The following GREB1L variants were observed in gnomAD, a reference collection of about 807,000 sequenced individuals.
The protein encoded by GREB1L is GREB1 like retinoic acid receptor coactivator.
In GREB1L, 17 loss-of-function variants were observed where a neutral mutation model predicts 200.8. The ratio of observed to expected loss-of-function variants is 0.08; its 90% CI spans 0.06 to 0.13. The LOEUF (loss-of-function observed/expected upper bound fraction) is 0.13. Among genes scored for constraint, GREB1L ranks in the 10% least tolerant of loss-of-function variants. The pLI, the probability that GREB1L is intolerant of heterozygous loss-of-function variation, is 1.00. For synonymous variants in GREB1L, 789 were observed against 893.0 expected (o/e 0.88, Z 2.08); for missense variants, 1,657 against 2,367.7 (o/e 0.70, Z 6.23).
At chr18:21,439,699 A>G in intron 8 of GREB1L, 62 bp downstream of exon 8, 1 of 1,035,860 alleles carries the variant, frequency 9.7e-7, no homozygotes. Context: ...AGTGCTCCAG[A>G]TTTTGTAATG....
chr18:21,343,514 CAA>C (rs1476185211), intron 1 of GREB1L, among the ~76,000 whole-genome samples: 4 of 152,074 alleles, frequency 2.6e-5, no homozygotes, highest in Non-Finnish European at 5.9e-5. Context: ...GATTATACAA[CAA>C]GAGAGGGCAT....
chr18:21,282,769 T>A (rs1290528537), intron 1 of GREB1L, among the ~76,000 whole-genome samples: 1 of 152,096 alleles, frequency 6.6e-6, no homozygotes, highest in Non-Finnish European at 1.5e-5. Flanking sequence ...GCAGCTAATT[T>A]TTGTATTTTT....
At position 21,452,129 on chromosome 18, in the gene GREB1L, A is replaced by G. The variant is rs1474947152; in HGVS notation, c.1896A>G (p.Gly632=). 55 of 1,551,972 alleles carry G rather than the reference A, an allele frequency of 3.5e-5. No homozygotes were observed. Among genetic ancestry groups the G allele is most frequent in the Non-Finnish European group, 4.6e-5 (53 of 1,146,998 alleles). ...KLLEKMQQRR[G]DSVVTPFDGD... is the part of the protein sequence containing the mutation. ...TGGAAAAAATGCAACAAAGAAGAGG[A>G]GACAGTGTGGTTACCCCTTTCGATG... The change falls in exon 14 of 33, where the codon GGA becomes GGG. Residue 632 remains glycine, a synonymous_variant. Transcript: ENST00000424526.
At chr18:21,295,652 AAAC>A (rs2038515453) in intron 1 of GREB1L, among the ~76,000 whole-genome samples, 1 of 152,192 alleles carries the variant, frequency 6.6e-6, no homozygotes, top group South Asian at 2.1e-4. Flanking sequence ...GGAGTATAAT[AAAC>A]AACACCTGCT....
intron 1 of GREB1L, among the ~76,000 whole-genome samples, chr18:21,354,030 C>G (rs2143382163): frequency 6.6e-6 from 1 of 152,228 alleles, no homozygotes; most frequent in South Asian, 2.1e-4. Context: ...CTCAAGTGAT[C>G]CACCCACCTC....
At chr18:21,494,114 CT>C (rs2036452526) in intron 19 of GREB1L, among the ~76,000 whole-genome samples, 1 of 152,146 alleles carries the variant, frequency 6.6e-6, no homozygotes, top group Middle Eastern at 3.4e-3. Flanking sequence ...ATGGTTCCCC[CT>C]GACATGAAAT....
intron 1 of GREB1L, among the ~76,000 whole-genome samples, chr18:21,358,940 C>G (rs1179197497): frequency 6.6e-6 from 1 of 152,192 alleles, no homozygotes; most frequent in Non-Finnish European, 1.5e-5. Context: ...TTTATTAGTT[C>G]TAACAATTGT....
intron 7 of GREB1L, among the ~76,000 whole-genome samples, chr18:21,411,072 A>C (rs2030943265): frequency 6.6e-6 from 1 of 152,248 alleles, no homozygotes; most frequent in Non-Finnish European, 1.5e-5. Flanking sequence ...AGAATATCCA[A>C]GTTGGCAATA....
intron 1 of GREB1L, among the ~76,000 whole-genome samples, chr18:21,361,088 G>T (rs573875716): frequency 2.6e-5 from 4 of 152,206 alleles, no homozygotes; most frequent in Admixed American, 2.6e-4. Context: ...ATTTGTTAAG[G>T]TATTTTACAA....
In GREB1L at chr18:21,419,100, G is replaced by A. The variant is rs11661765; in HGVS notation, c.832+15106G>A. On this transcript the variant is annotated intron_variant, in intron 7 of 32. Coordinates refer to ENST00000424526, the MANE Select transcript of GREB1L (RefSeq NM_001142966.3). ...GTAATTATTCAAAACTATTCATGCC[G>A]TATAGTTTTGCTGTAGCTTTGGGGC... 1.9e-3 allele frequency among the ~76,000 whole-genome samples: 287 copies of A among 152,220 alleles called. 1 individual carries two copies. Among genetic ancestry groups the A allele is most frequent in the Non-Finnish European group, 3.2e-3 (217 of 68,024 alleles).
At chr18:21,467,225 A>G (rs890999442) in intron 15 of GREB1L, among the ~76,000 whole-genome samples, 6 of 152,226 alleles carry the variant, frequency 3.9e-5, no homozygotes, top group Non-Finnish European at 8.8e-5. Context: ...CAAAAGCATA[A>G]ACTTTTATAC....
chr18:21,501,116 G>T (rs1343801632), intron 23 of GREB1L, among the ~76,000 whole-genome samples: 1 of 151,400 alleles, frequency 6.6e-6, no homozygotes, highest in Non-Finnish European at 1.5e-5. Flanking sequence ...AAAAGAATGT[G>T]CCCGGCAAAT....
At position 21,482,758 on chromosome 18, in the gene GREB1L, C is replaced by G. The variant is rs187124439; in HGVS notation, c.2557-2862C>G. Among the ~76,000 whole-genome samples the G allele has an allele frequency of 2.1e-3, 306 of 146,344 alleles. 2 individuals carry two copies. The highest frequency in any genetic ancestry group is 7.2e-3 in the African/African-American group (284 of 39,670). On this transcript the variant is annotated intron_variant, in intron 17 of 32. Transcript: ENST00000424526. ...AGAGGGTAGTGAGACCAAGGGCCAA[C>G]AAGTCATCACCAACGCCCGCAGCGA...
intron 7 of GREB1L, among the ~76,000 whole-genome samples, chr18:21,408,615 A>G (rs2030568640): frequency 6.6e-6 from 1 of 151,848 alleles, no homozygotes; most frequent in South Asian, 2.1e-4. Context: ...ACCAACATGG[A>G]GAAACTCCGT....
intron 2 of GREB1L, among the ~76,000 whole-genome samples, chr18:21,379,265 G>A (rs1397949699): frequency 2.0e-5 from 3 of 152,116 alleles, no homozygotes; most frequent in Non-Finnish European, 4.4e-5. Flanking sequence ...GGAGTGCAAT[G>A]GCATGATCTT....
intron 27 of GREB1L, among the ~76,000 whole-genome samples, chr18:21,512,073 C>T (rs2037260178): frequency 6.6e-6 from 1 of 152,148 alleles, no homozygotes; most frequent in Non-Finnish European, 1.5e-5. Context: ...TCAAAACTAC[C>T]ACACTGTTTT....
At position 21,388,533 on chromosome 18, in the gene GREB1L, C is replaced by CT. The variant is rs768141691; in HGVS notation, c.355+4156dup. Among the ~76,000 whole-genome samples, 400 of 74,702 alleles carry CT rather than the reference C, an allele frequency of 5.4e-3. 13 individuals are homozygous for CT. Among genetic ancestry groups the CT allele is most frequent in the Non-Finnish European group, 7.4e-3 (320 of 43,110 alleles). 49.0% of individuals were successfully genotyped at this position (74,702 alleles called of 152,430 possible). On this transcript the variant is annotated intron_variant, in intron 4 of 32. Transcript: ENST00000424526. ...TTAATTGTTATGTCTCCTTAGGTTC[C>CT]TTTTTTTTTTTTTTTTTTTTTTTTT...
intron 1 of GREB1L, among the ~76,000 whole-genome samples, chr18:21,279,958 T>A (rs767346800): frequency 2.8e-4 from 42 of 152,324 alleles, no homozygotes; most frequent in South Asian, 4.1e-4. Flanking sequence ...TTTGAACCCC[T>A]CTGCCAGTTT....
chr18:21,282,380 TC>T (rs1460611615), intron 1 of GREB1L, among the ~76,000 whole-genome samples: 3 of 152,164 alleles, frequency 2.0e-5, no homozygotes, highest in African/African-American at 7.2e-5. Flanking sequence ...CCTACTCTTT[TC>T]CCCTCACCTT....
Sources: gnomAD v4.1 joint callset for allele counts (sites outside exome capture counted in the v4.1 genomes callset) on GRCh38, gnomAD v4.1.1 for gene constraint, MANE v1.5 for transcripts, NCBI Gene and HGNC (gene_info 2026-07-23, HGNC 2026-07-21) for gene names.